GLIS3: variants seen among roughly 807,000 people sequenced by gnomAD.
GLIS3 encodes zinc finger protein GLIS3.
A neutral mutation model predicts 78.6 loss-of-function variants in GLIS3; 53 were observed. The ratio of observed to expected loss-of-function variants is 0.67; its 90% CI spans 0.54 to 0.85. The LOEUF (loss-of-function observed/expected upper bound fraction) is 0.85. Among genes scored for constraint, GLIS3 ranks in the 40% least tolerant of loss-of-function variants. The probability of loss-of-function intolerance (pLI) is 0.00; values close to 1 mark genes in which losing one functional copy is unlikely to be tolerated. For missense variants in GLIS3, 1,703 were observed against 1,231.1 expected, an observed-to-expected ratio of 1.38 and a Z score of -5.74; for synonymous variants, 684 against 509.9, an observed-to-expected ratio of 1.34 and a Z score of -4.60.
At chr9:3,895,966 TAAAC>T (rs1289583262) in intron 7 of GLIS3, among the ~76,000 whole-genome samples, 1 of 152,226 alleles carries the variant, frequency 6.6e-6, no homozygotes, top group East Asian at 1.9e-4. Context: ...TGACAATCAT[TAAAC>T]AAATATTTTC....
At chr9:4,471,505 A>G in the GLIS3 span, among the ~76,000 whole-genome samples, 1 of 152,358 alleles carries the variant, frequency 6.6e-6, no homozygotes, top group East Asian at 1.9e-4. Context: ...AGAAATGGGG[A>G]AAGGATTCCC....
chr9:4,064,404 C>T (rs962123021), intron 4 of GLIS3, among the ~76,000 whole-genome samples: 1 of 152,086 alleles, frequency 6.6e-6, no homozygotes, highest in African/African-American at 2.4e-5. Flanking sequence ...AGCTTTTATA[C>T]AACAAAGCAC....
intron 6 of GLIS3, among the ~76,000 whole-genome samples, chr9:3,914,256 C>T (rs1824349539): frequency 6.6e-6 from 1 of 152,098 alleles, no homozygotes; most frequent in Non-Finnish European, 1.5e-5. Context: ...AGCTATCCTC[C>T]CATCTCAGCC....
At chr9:4,130,813 G>A (rs1832920671) in intron 2 of GLIS3, among the ~76,000 whole-genome samples, 2 of 152,160 alleles carry the variant, frequency 1.3e-5, no homozygotes, top group South Asian at 4.1e-4. Context: ...ATGGAGCTGT[G>A]ACAAGAGGGA....
At chr9:4,091,669 G>A (rs965411006) in intron 4 of GLIS3, among the ~76,000 whole-genome samples, 6 of 152,128 alleles carry the variant, frequency 3.9e-5, no homozygotes, top group African/African-American at 1.4e-4. Context: ...ATCCCCCTTC[G>A]CTCGACTCTC....
At chr9:4,457,419 C>A in the GLIS3 span, among the ~76,000 whole-genome samples, 9 of 151,798 alleles carry the variant, frequency 5.9e-5, no homozygotes, top group Admixed American at 5.9e-4. Context: ...ATTGATTGCA[C>A]CCTCTGGAAG....
chr9:4,484,483 G>C, the GLIS3 span, among the ~76,000 whole-genome samples: 4 of 127,874 alleles, frequency 3.1e-5, no homozygotes, highest in African/African-American at 1.2e-4. Context: ...CAGTGGCTCA[G>C]TCTCAGCTCA....
At chr9:4,138,109 T>A (rs1833536844) in intron 2 of GLIS3, among the ~76,000 whole-genome samples, 1 of 152,208 alleles carries the variant, frequency 6.6e-6, no homozygotes, top group African/African-American at 2.4e-5. Context: ...TTGCCTACCA[T>A]CTAATTTAAT....
intron 2 of GLIS3, among the ~76,000 whole-genome samples, chr9:4,340,454 G>C (rs577126544): frequency 3.9e-5 from 6 of 152,214 alleles, no homozygotes; most frequent in East Asian, 3.9e-4. Flanking sequence ...GTCTTACCCA[G>C]TGTCTTTGGG....
intron 2 of GLIS3, among the ~76,000 whole-genome samples, chr9:4,187,319 T>G (rs1254397352): frequency 6.6e-6 from 1 of 152,228 alleles, no homozygotes; most frequent in East Asian, 1.9e-4. Flanking sequence ...TATGCTGCGT[T>G]ATTTCTGAGG....
chr9:3,849,908 C>CAAAA (rs574534035), intron 9 of GLIS3, among the ~76,000 whole-genome samples: 4,416 of 138,446 alleles, frequency 0.032, 232 homozygotes, highest in African/African-American at 0.11. Context: ...GACTCCATCT[C>CAAAA]AAAAAAAAAA....
rs559204392 is a variant in GLIS3 at position 4,317,643 on chromosome 9, G to A, written n.265-7115C>T. Among the ~76,000 whole-genome samples the A allele has an allele frequency of 3.4e-3, 512 of 152,266 alleles. 3 individuals are homozygous for A. The highest frequency in any genetic ancestry group is 0.012 in the African/African-American group (492 of 41,544). On this transcript the variant is annotated intron_variant and non_coding_transcript_variant, in intron 2 of 4. Coordinates refer to the GLIS3 transcript ENST00000471664. The stretch of plus-strand genomic sequence containing the variant: ...TTTTCATTAGTCATAGATTCTAAAT[G>A]TATCTTTTTTAAAAATCAGCAGGTT...
intron 2 of GLIS3, among the ~76,000 whole-genome samples, chr9:4,159,996 C>T (rs1160401904): frequency 1.3e-5 from 2 of 152,184 alleles, no homozygotes; most frequent in Non-Finnish European, 2.9e-5. Context: ...TCATTGTGAT[C>T]ATCATCACCA....
chr9:4,375,067 C>T, the GLIS3 span, among the ~76,000 whole-genome samples: 1 of 152,164 alleles, frequency 6.6e-6, no homozygotes, highest in Non-Finnish European at 1.5e-5. Context: ...TTTGATTGCT[C>T]TCTGCTTGAT....
rs74439248 is a variant in GLIS3 at position 4,297,430 on chromosome 9, C to G, written c.-99+1991G>C. 4.8e-3 allele frequency among the ~76,000 whole-genome samples: 738 copies of G among 152,300 alleles called. 6 individuals carry two copies. The highest frequency in any genetic ancestry group is 0.016 in the African/African-American group (684 of 41,558). On this transcript the variant is annotated intron_variant, in intron 1 of 10. Transcript: ENST00000381971. ...GTCCACTCTAGCTTTAATAGTCTCT[C>G]CTCGAGATTCCCGGCCCCATACTAA...
chr9:3,948,238 C>A (rs1816429514), intron 4 of GLIS3, among the ~76,000 whole-genome samples: 1 of 152,188 alleles, frequency 6.6e-6, no homozygotes. Flanking sequence ...ACTCAGAAAA[C>A]CCTTCATTCT....
the GLIS3 span, among the ~76,000 whole-genome samples, chr9:4,370,444 A>G: frequency 6.6e-6 from 1 of 152,052 alleles, no homozygotes; most frequent in African/African-American, 2.4e-5. Context: ...AGCTGTAAAT[A>G]TAGGACTTCA....
chr9:3,894,362 T>G (rs1048424938), intron 7 of GLIS3, among the ~76,000 whole-genome samples: 12 of 152,224 alleles, frequency 7.9e-5, no homozygotes, highest in Non-Finnish European at 1.6e-4. Context: ...AATAACCATT[T>G]TCTGAGAACA....
the GLIS3 span, among the ~76,000 whole-genome samples, chr9:4,479,748 T>C: frequency 3.3e-5 from 5 of 152,128 alleles, no homozygotes; most frequent in African/African-American, 1.2e-4. Context: ...GGCAGACCCC[T>C]ATCTGGGGAG....
Sources: gnomAD v4.1 joint callset for allele counts (sites outside exome capture counted in the v4.1 genomes callset) on GRCh38, gnomAD v4.1.1 for gene constraint, MANE v1.5 for transcripts, NCBI Gene and HGNC (gene_info 2026-07-23, HGNC 2026-07-21) for gene names.